CACNA1H: variants seen among roughly 807,000 people sequenced by gnomAD.
CACNA1H encodes voltage-dependent T-type calcium channel subunit alpha-1H.
CACNA1H carries 149 observed loss-of-function variants against 192.5 expected under a neutral mutation model. That is an observed-to-expected ratio of 0.77 (90% confidence interval 0.68 to 0.89). CACNA1H has a LOEUF of 0.89. Among genes scored for constraint, CACNA1H ranks in the 40% least tolerant of loss-of-function variants. The pLI is 0.00. For synonymous variants in CACNA1H, 2,202 were observed against 1,475.2 expected (o/e 1.49, Z -11.29); for missense variants, 4,257 against 3,423.5 (o/e 1.24, Z -6.08).
rs746220027 is a variant in CACNA1H at position 1,202,133 on chromosome 16, C to T, written c.1683C>T (p.Ser561=). ...CTGGCGCGCCCCCCTCGCCACCTTCCCCAGGCCGCGGACCCCCCGACGCAG... is the reference window on the plus strand; with the variant it reads ...CTGGCGCGCCCCCCTCGCCACCTTCTCCAGGCCGCGGACCCCCCGACGCAG... The part of the protein sequence containing the change: ...VRAGAPPSPP[S]PGRGPPDAES... The change falls in exon 9 of 35, where the codon TCC becomes TCT. Residue 561 remains serine (S), a synonymous_variant. Transcript: ENST00000348261. 1 of 1,548,394 alleles carries T rather than the reference C, an allele frequency of 6.5e-7. No homozygotes were observed. Among genetic ancestry groups the T allele is most frequent in the South Asian group, 1.2e-5 (1 of 84,040 alleles).
At chr16:1,195,695 CCT>C in intron 4 of CACNA1H, 130 bp downstream of exon 4, 2 of 1,175,642 alleles carry the variant, frequency 1.7e-6, no homozygotes, top group Admixed American at 2.2e-5. Flanking sequence ...AGCCAGGGAC[CCT>C]GTCTGGGACT....
chr16:1,209,978 G>A, intron 17 of CACNA1H, 57 bp from the exon 18 acceptor site: 1 of 1,360,484 alleles, frequency 7.4e-7, no homozygotes, highest in Non-Finnish European at 1.0e-6. Flanking sequence ...AGAGGGCCCT[G>A]ATGGGGGGCC....
rs2151751705 is a variant in CACNA1H, at chr16:1,180,156, G to T, written c.300-14816G>T. On this transcript the variant is annotated intron_variant, in intron 2 of 34. Transcript: ENST00000348261. The surrounding 1 kb of genome is among the most constrained non-coding windows in gnomAD (Gnocchi z 4.4). ...CCAGCCCGTTGGGTGCCCTGGCTGG[G>T]TCCCTGTCCCTGCACACCGGGTCAG... Among the ~76,000 whole-genome samples, 1 of 152,318 alleles carries T rather than the reference G, an allele frequency of 6.6e-6. No individual in the cohort carries two copies. Among genetic ancestry groups the T allele is most frequent in the South Asian group, 2.1e-4 (1 of 4,824 alleles).
At chr16:1,210,740 G>C (rs745730567) in intron 20 of CACNA1H, 47 bp from the exon 21 acceptor site, 6 of 1,572,200 alleles carry the variant, frequency 3.8e-6, no homozygotes, top group Admixed American at 1.7e-5. Context: ...CAGCTCCCCA[G>C]ACCCCCCACG....
intron 2 of CACNA1H, among the ~76,000 whole-genome samples, chr16:1,171,033 C>T (rs891967539): frequency 6.6e-6 from 1 of 152,048 alleles, no homozygotes; most frequent in Non-Finnish European, 1.5e-5. Context: ...ACCACTGCAC[C>T]CATAGCCCGT....
intron 2 of CACNA1H, among the ~76,000 whole-genome samples, chr16:1,161,710 C>T (rs1963217571): frequency 6.6e-6 from 1 of 152,190 alleles, no homozygotes; most frequent in Admixed American, 6.5e-5. Context: ...AGATGCGGTC[C>T]CGGGAGATAG....
intron 5 of CACNA1H, among the ~76,000 whole-genome samples, chr16:1,197,754 C>T (rs1183937745): frequency 6.6e-6 from 1 of 152,224 alleles, no homozygotes; most frequent in Non-Finnish European, 1.5e-5. Flanking sequence ...ATTGATACCC[C>T]TGGGTGCTGG....
intron 8 of CACNA1H, 94 bp downstream of exon 8, chr16:1,200,902 C>T (rs1967793317): frequency 1.2e-5 from 11 of 891,910 alleles, no homozygotes; most frequent in South Asian, 5.7e-5. Context: ...GGGCTCCTGT[C>T]TGTCTTCCAG....
At position 1,218,640 on chromosome 16, in the gene CACNA1H, G is replaced by T. The variant is rs1412487320; in HGVS notation, c.5876G>T (p.Gly1959Val). 1.3e-6 allele frequency: 2 copies of T among 1,545,436 alleles called. No homozygotes were observed. Among genetic ancestry groups the T allele is most frequent in the Non-Finnish European group, 1.7e-6 (2 of 1,143,294 alleles). ...QEVEMETYGA[G>V]TPLGSVASVH... ...GTGGAGATGGAGACCTATGGGGCCG[G>T]CACCCCCTTGGGTATGGTAGCCAGC... The change falls in exon 33 of 35, where the codon GGC becomes GTC. Residue 1959 changes from glycine to valine, a missense_variant. Gly to Val is a moderately radical substitution (Grantham distance 109). Coordinates refer to ENST00000348261, the MANE Select transcript of CACNA1H (RefSeq NM_021098.3).
chr16:1,161,581 C>T (rs1464573351), intron 2 of CACNA1H, among the ~76,000 whole-genome samples: 1 of 152,192 alleles, frequency 6.6e-6, no homozygotes, highest in Non-Finnish European at 1.5e-5. Flanking sequence ...GGCTAGCGAC[C>T]CCTGCCAGCC....
At chr16:1,196,342 G>T (rs894185892) in intron 5 of CACNA1H, among the ~76,000 whole-genome samples, 1 of 152,260 alleles carries the variant, frequency 6.6e-6, no homozygotes. Context: ...GCTGGAGGCC[G>T]AGCAGATCCC....
intron 2 of CACNA1H, among the ~76,000 whole-genome samples, chr16:1,189,883 C>G (rs928237527): frequency 6.6e-6 from 1 of 152,220 alleles, no homozygotes; most frequent in Non-Finnish European, 1.5e-5. Context: ...GCCCCTGGCT[C>G]GTGAGCCCAG....
rs1042291302 is a variant in CACNA1H at position 1,167,847 on chromosome 16, G to GCCGT, written c.299+13819_299+13822dup. 2.0e-5 allele frequency among the ~76,000 whole-genome samples: 3 copies of GCCGT among 152,186 alleles called. No homozygotes were observed. The highest frequency in any genetic ancestry group is 2.0e-4 in the Admixed American group (3 of 15,288). Reference sequence around the variant, plus strand: ...ACCTGCGAGGTTGGGGCGTGGCCTGGCCGTCCGTCCGCGGGGCCCGGGCTG... The same window carrying GCCGT: ...ACCTGCGAGGTTGGGGCGTGGCCTGGCCGTCCGTCCGTCCGCGGGGCCCGGGCTG... On this transcript the variant is annotated intron_variant, in intron 2 of 34. Transcript: ENST00000348261. The surrounding 1 kb of genome is among the most constrained non-coding windows in gnomAD (Gnocchi z 4.2).
intron 2 of CACNA1H, among the ~76,000 whole-genome samples, chr16:1,190,704 G>A (rs1047191618): frequency 6.6e-6 from 1 of 152,286 alleles, no homozygotes; most frequent in Non-Finnish European, 1.5e-5. Flanking sequence ...CACAGGCACA[G>A]GGGTGGGGTC....
chr16:1,201,546 C>G lies in CACNA1H; in HGVS notation c.1213-117C>G, dbSNP rs529776149. On this transcript the variant is annotated intron_variant, in intron 8 of 34. Transcript: ENST00000348261. The stretch of plus-strand genomic sequence containing the variant: ...CAGCAGCCTGCCCATAGCAGGGCAC[C>G]TCGCCCACTGTGCCTGTGACGCGGC... 19 of 1,281,188 alleles carry G rather than the reference C, an allele frequency of 1.5e-5. No individual in the cohort carries two copies. The East Asian group carries it at 4.6e-4, about 31-fold the overall frequency. 79.4% of individuals were successfully genotyped at this position (1,281,188 alleles called of 1,614,324 possible).
intron 2 of CACNA1H, among the ~76,000 whole-genome samples, chr16:1,162,424 G>A (rs981055934): frequency 1.3e-5 from 2 of 152,204 alleles, no homozygotes; most frequent in Non-Finnish European, 2.9e-5. Context: ...GCTTGACGCA[G>A]TAACAGGAGT....
intron 2 of CACNA1H, among the ~76,000 whole-genome samples, chr16:1,176,964 GC>G (rs1302822611): frequency 1.4e-4 from 21 of 152,136 alleles, no homozygotes; most frequent in Non-Finnish European, 5.9e-5. Flanking sequence ...TTAGGTGGGG[GC>G]AGAGTCCCCA....
At chr16:1,164,538 A>G (rs1028238801) in intron 2 of CACNA1H, among the ~76,000 whole-genome samples, 1 of 152,190 alleles carries the variant, frequency 6.6e-6, no homozygotes, top group South Asian at 2.1e-4. Context: ...GATGGCTGCT[A>G]AGTGGCCATC....
At chr16:1,209,989 G>C in intron 17 of CACNA1H, 46 bp from the exon 18 acceptor site, 6 of 1,440,776 alleles carry the variant, frequency 4.2e-6, no homozygotes, top group African/African-American at 1.4e-5. Context: ...ATGGGGGGCC[G>C]GGCAGGCAGG....
Sources: allele counts gnomAD v4.1 joint callset (sites outside exome capture counted in the v4.1 genomes callset), GRCh38; gene constraint gnomAD v4.1.1; non-coding constraint Gnocchi (gnomAD v3.1); transcripts MANE v1.5; gene names NCBI Gene and HGNC (gene_info 2026-07-23, HGNC 2026-07-21).